ADGRA3: variants seen among roughly 807,000 people sequenced by gnomAD.
ADGRA3 encodes G-protein coupled receptor 125.
In ADGRA3, 56 loss-of-function variants were observed where a neutral mutation model predicts 119.8. The ratio of observed to expected loss-of-function variants is 0.47; its 90% CI spans 0.38 to 0.58. The LOEUF is 0.58. ADGRA3 is among the 20% of genes least tolerant of loss of function. The pLI is 0.00. For synonymous variants in ADGRA3, 607 were observed against 623.8 expected, an observed-to-expected ratio of 0.97 and a Z score of 0.40; for missense variants, 1,516 against 1,649.0, an observed-to-expected ratio of 0.92 and a Z score of 1.40.
chr4:22,453,895 C>A (rs1248206962), intron 4 of ADGRA3, among the ~76,000 whole-genome samples: 1 of 151,926 alleles, frequency 6.6e-6, no homozygotes, highest in Non-Finnish European at 1.5e-5. Flanking sequence ...CTGTCACCCA[C>A]AGCTGGAGTG....
At chr4:22,473,275 AC>A (rs1717920515) in intron 2 of ADGRA3, 3 of 152,250 alleles carry the variant, frequency 2.0e-5, no homozygotes, top group African/African-American at 7.2e-5. Context: ...TTTATAAATT[AC>A]CCCAGTATCA....
At chr4:22,438,667 C>T (rs901408734) in intron 7 of ADGRA3, among the ~76,000 whole-genome samples, 1 of 152,120 alleles carries the variant, frequency 6.6e-6, no homozygotes, top group Non-Finnish European at 1.5e-5. Context: ...AAATGCAATG[C>T]TATACGACGC....
chr4:22,513,736 T>G (rs1719533960), intron 1 of ADGRA3, among the ~76,000 whole-genome samples: 1 of 149,610 alleles, frequency 6.7e-6, no homozygotes, highest in African/African-American at 2.5e-5. Context: ...GGTCTTGAAC[T>G]CCTGACCTCA....
intron 10 of ADGRA3, among the ~76,000 whole-genome samples, chr4:22,425,922 G>A (rs1054248876): frequency 6.6e-6 from 1 of 152,146 alleles, no homozygotes; most frequent in Non-Finnish European, 1.5e-5. Context: ...AATGCTGACC[G>A]TGAGTACCTA....
At chr4:22,465,499 T>C (rs978296128) in intron 2 of ADGRA3, among the ~76,000 whole-genome samples, 1 of 152,098 alleles carries the variant, frequency 6.6e-6, no homozygotes, top group Non-Finnish European at 1.5e-5. Context: ...AGCCAACAGA[T>C]GGGAAACGAG....
At chr4:22,407,094 A>C (rs1246308010) in intron 14 of ADGRA3, among the ~76,000 whole-genome samples, 1 of 151,970 alleles carries the variant, frequency 6.6e-6, no homozygotes, top group African/African-American at 2.4e-5. Context: ...ACACAGTGAA[A>C]CCCCGTCTCT....
intron 14 of ADGRA3, among the ~76,000 whole-genome samples, chr4:22,407,701 G>T (rs975730613): frequency 6.6e-6 from 1 of 152,086 alleles, no homozygotes; most frequent in Non-Finnish European, 1.5e-5. Flanking sequence ...AACATCAAAT[G>T]TGTGTTAAAA....
At chr4:22,389,855 T>C (rs1210767883) in intron 17 of ADGRA3, among the ~76,000 whole-genome samples, 1 of 152,190 alleles carries the variant, frequency 6.6e-6, no homozygotes, top group East Asian at 1.9e-4. Context: ...CTGAGCTCCT[T>C]GATCTCTCTG....
intron 1 of ADGRA3, among the ~76,000 whole-genome samples, chr4:22,509,417 C>T (rs1172310224): frequency 2.0e-5 from 3 of 151,090 alleles, no homozygotes; most frequent in South Asian, 2.1e-4. Context: ...GCAGGAGAAT[C>T]GCTTGAACCT....
At chr4:22,433,745 G>A (rs528412713) in intron 10 of ADGRA3, among the ~76,000 whole-genome samples, 4 of 152,208 alleles carry the variant, frequency 2.6e-5, no homozygotes, top group East Asian at 1.9e-4. Context: ...TCCCACTCCC[G>A]GAAATGACTG....
In ADGRA3 at chr4:22,413,634, T is replaced by C. The variant is rs532985930; in HGVS notation, c.1990A>G (p.Thr664Ala). 1.2e-6 allele frequency: 2 copies of C among 1,614,052 alleles called. No homozygotes were observed. The highest frequency in any genetic ancestry group is 2.2e-5 in the East Asian group (1 of 44,860). The part of the protein sequence containing the change: ...TNLADDGKRR[T>A]VVTPVILTKI... ...GTGAGAATCACAGGGGTAACCACAG[T>C]ACGTCGTTTTCCATCATCAGCCAAA... The change falls in exon 13 of 19, where the codon ACT becomes GCT. Residue 664 changes from threonine to alanine, a missense_variant. This residue lies in a region of ADGRA3 where 1,088 missense variants were observed against 1,107.1 expected (regional missense o/e 0.98). Coordinates refer to ENST00000334304, the MANE Select transcript of ADGRA3 (RefSeq NM_145290.4).
intron 1 of ADGRA3, among the ~76,000 whole-genome samples, chr4:22,489,747 G>A (rs1341760684): frequency 6.6e-6 from 1 of 152,142 alleles, no homozygotes; most frequent in Non-Finnish European, 1.5e-5. Flanking sequence ...TTTGGTGAAT[G>A]GGGGAGAGTT....
In ADGRA3 at chr4:22,412,556, G is replaced by GA. The variant is rs1339592463; in HGVS notation, c.2232+625dup. 3.3e-5 allele frequency among the ~76,000 whole-genome samples: 5 copies of GA among 151,984 alleles called. No homozygotes were observed. In the East Asian group the frequency reaches 5.8e-4, roughly 18 times the overall value. On this transcript the variant is annotated intron_variant, in intron 14 of 18. Transcript: ENST00000334304. ...TGATAATGCAAATATTCCAAAATCT[G>GA]AAAAAATCCAAAATCCAAAACATTT...
intron 10 of ADGRA3, among the ~76,000 whole-genome samples, chr4:22,427,740 T>G (rs1361829163): frequency 6.6e-6 from 1 of 152,156 alleles, no homozygotes; most frequent in Non-Finnish European, 1.5e-5. Context: ...AAAAAAGTAT[T>G]CCTGAAATTT....
intron 17 of ADGRA3, among the ~76,000 whole-genome samples, chr4:22,391,641 CCAT>C: frequency 6.6e-6 from 1 of 152,170 alleles, no homozygotes; most frequent in East Asian, 1.9e-4. Flanking sequence ...TAAAATGACA[CCAT>C]GTCAGGCCAC....
chr4:22,433,906 G>A (rs901921393), intron 10 of ADGRA3, among the ~76,000 whole-genome samples: 17 of 152,084 alleles, frequency 1.1e-4, no homozygotes, highest in African/African-American at 4.1e-4. Context: ...AGTATCAGGA[G>A]CAGTTATTAG....
intron 17 of ADGRA3, among the ~76,000 whole-genome samples, chr4:22,391,750 C>T (rs1172623908): frequency 6.6e-6 from 1 of 152,204 alleles, no homozygotes; most frequent in Non-Finnish European, 1.5e-5. Context: ...TGCTACTTGA[C>T]ACCAAACATC....
intron 10 of ADGRA3, among the ~76,000 whole-genome samples, chr4:22,429,597 G>C (rs1281593824): frequency 2.0e-5 from 3 of 152,086 alleles, no homozygotes; most frequent in Non-Finnish European, 4.4e-5. Context: ...TTCATGGAAG[G>C]AGAGCCAGGA....
rs143160668 is a variant in ADGRA3 at position 22,427,254 on chromosome 4, T to C, written c.1444-2902A>G. Among the ~76,000 whole-genome samples, 369 of 152,306 alleles carry C rather than the reference T, an allele frequency of 2.4e-3. 1 individual carries two copies. Among genetic ancestry groups the C allele is most frequent in the African/African-American group, 8.5e-3 (354 of 41,580 alleles). ...TAAGGCACCACTGAAATATAGGCAGTGCTTACAGATTAGCAAAGTTACAAC... is the reference window on the plus strand; with the variant it reads ...TAAGGCACCACTGAAATATAGGCAGCGCTTACAGATTAGCAAAGTTACAAC... On this transcript the variant is annotated intron_variant, in intron 10 of 18. Coordinates refer to ENST00000334304, the MANE Select transcript of ADGRA3 (RefSeq NM_145290.4).
Sources: allele counts gnomAD v4.1 joint callset (sites outside exome capture counted in the v4.1 genomes callset), GRCh38; gene constraint gnomAD v4.1.1; regional missense constraint gnomAD v4.1.1; transcripts MANE v1.5; gene names NCBI Gene and HGNC (gene_info 2026-07-23, HGNC 2026-07-21).